Variants in ATP9B observed in about 807,000 individuals in gnomAD.
The protein encoded by ATP9B is ATPase phospholipid transporting 9B, also known as probable phospholipid-transporting ATPase IIB.
Under a neutral mutation model 146.1 loss-of-function variants are expected in ATP9B, and 110 were observed. The observed-to-expected ratio is 0.75, with a 90% CI of 0.65 to 0.88. The LOEUF is 0.88. Among genes scored for constraint, ATP9B ranks in the 40% least tolerant of loss-of-function variants. ATP9B has a pLI of 0.00. For missense variants in ATP9B, 1,499 were observed against 1,496.4 expected, an observed-to-expected ratio of 1.00 and a Z score of -0.03; for synonymous variants, 604 against 569.7, an observed-to-expected ratio of 1.06 and a Z score of -0.86.
At chr18:79,288,754 A>C (rs555599633) in intron 13 of ATP9B, among the ~76,000 whole-genome samples, 217 of 152,262 alleles carry the variant, frequency 1.4e-3, no homozygotes, top group African/African-American at 4.5e-3. Flanking sequence ...GGCTGGTACC[A>C]GTTGTTCCTT....
At chr18:79,193,927 AG>A (rs2095393810) in intron 9 of ATP9B, among the ~76,000 whole-genome samples, 2 of 152,230 alleles carry the variant, frequency 1.3e-5, no homozygotes, top group Non-Finnish European at 2.9e-5. Context: ...ATTGGCAAGC[AG>A]TTGTCATCAC....
Position 79,282,473 on chromosome 18 carries a change from G to A in ATP9B, c.1411+5277G>A, listed in dbSNP as rs557441331. Among the ~76,000 whole-genome samples the A allele has an allele frequency of 3.7e-4, 56 of 152,296 alleles. No individual in the cohort carries two copies. The South Asian group carries it at 4.1e-3, about 11-fold the overall frequency. ...CCACCACCCTGATCAGTCAGCAGCCGTCAACATTAAGACAAGACCCTCTAC... is the reference window on the plus strand; with the variant it reads ...CCACCACCCTGATCAGTCAGCAGCCATCAACATTAAGACAAGACCCTCTAC... On this transcript the variant is annotated intron_variant, in intron 13 of 29. Coordinates refer to ENST00000426216, the MANE Select transcript of ATP9B (RefSeq NM_198531.5).
At chr18:79,291,912 G>A (rs184541239) in intron 13 of ATP9B, among the ~76,000 whole-genome samples, 19 of 152,118 alleles carry the variant, frequency 1.2e-4, no homozygotes, top group Middle Eastern at 6.8e-3. Context: ...TCCATCGCCC[G>A]TGCCCCAGGC....
intron 10 of ATP9B, 122 bp downstream of exon 10, chr18:79,207,134 G>T (rs184327585): frequency 2.3e-6 from 2 of 864,116 alleles, no homozygotes; most frequent in African/African-American, 1.7e-5. Flanking sequence ...CTTGCTAAAC[G>T]CAGACTCCAG....
chr18:79,351,431 T>A (rs891636207), intron 25 of ATP9B, among the ~76,000 whole-genome samples: 3 of 152,178 alleles, frequency 2.0e-5, no homozygotes, highest in Admixed American at 2.0e-4. Context: ...TACTCTGAAT[T>A]GGGTTAGGTG....
intron 7 of ATP9B, among the ~76,000 whole-genome samples, chr18:79,168,695 C>T (rs933242477): frequency 6.6e-6 from 1 of 152,136 alleles, no homozygotes; most frequent in Non-Finnish European, 1.5e-5. Flanking sequence ...GAAGTGACTT[C>T]CCAGTAGACA....
At chr18:79,120,999 C>T (rs923509181) in intron 4 of ATP9B, among the ~76,000 whole-genome samples, 1 of 152,232 alleles carries the variant, frequency 6.6e-6, no homozygotes, top group Non-Finnish European at 1.5e-5. Context: ...TCTGTGTGGC[C>T]TTGGTAAGGT....
intron 26 of ATP9B, among the ~76,000 whole-genome samples, chr18:79,370,653 G>GT (rs2097063938): frequency 6.6e-6 from 1 of 152,166 alleles, no homozygotes; most frequent in African/African-American, 2.4e-5. Context: ...TTTTGTTGAT[G>GT]TTTTTTGTAC....
chr18:79,132,149 C>T (rs2094387032), intron 5 of ATP9B, among the ~76,000 whole-genome samples: 1 of 141,342 alleles, frequency 7.1e-6, no homozygotes, highest in Non-Finnish European at 1.6e-5. Context: ...TTGAGGAAGA[C>T]CTTCTGCTGT....
chr18:79,077,070 A>T (rs983828633), intron 1 of ATP9B, among the ~76,000 whole-genome samples: 1 of 152,174 alleles, frequency 6.6e-6, no homozygotes, highest in Non-Finnish European at 1.5e-5. Context: ...ATGTGTGTTT[A>T]AAAATCCTCA....
intron 1 of ATP9B, chr18:79,085,782 C>A (rs1246033374): frequency 4.6e-5 from 7 of 152,158 alleles, no homozygotes; most frequent in Non-Finnish European, 7.3e-5. Context: ...TGCAATCTTA[C>A]AATAGTTAAG....
At chr18:79,314,565 T>C (rs953696215) in intron 15 of ATP9B, among the ~76,000 whole-genome samples, 4 of 152,252 alleles carry the variant, frequency 2.6e-5, no homozygotes, top group African/African-American at 9.6e-5. Flanking sequence ...GTAGATGTGA[T>C]GGTGATTGTC....
At position 79,260,620 on chromosome 18, in the gene ATP9B, C is replaced by T. The variant is rs147107464; in HGVS notation, c.1268+7079C>T. Among the ~76,000 whole-genome samples, 528 of 152,302 alleles carry T rather than the reference C, an allele frequency of 3.5e-3. 18 individuals carry two copies. The highest frequency in any genetic ancestry group is 0.029 in the Admixed American group (448 of 15,300). ...TATCAGCAGAAACTACCAGCTTGAC[C>T]TAAAGGAACAGAGACAGGATGAGAT... On this transcript the variant is annotated intron_variant, in intron 12 of 29. Coordinates refer to ENST00000426216, the MANE Select transcript of ATP9B (RefSeq NM_198531.5).
chr18:79,233,973 C>T (rs2095815777), intron 11 of ATP9B, among the ~76,000 whole-genome samples: 1 of 152,296 alleles, frequency 6.6e-6, no homozygotes, highest in African/African-American at 2.4e-5. Flanking sequence ...TCATCCTCAT[C>T]GTCTTCCAAT....
intron 11 of ATP9B, among the ~76,000 whole-genome samples, chr18:79,233,099 C>A (rs1239518787): frequency 6.6e-6 from 1 of 152,078 alleles, no homozygotes; most frequent in Admixed American, 6.6e-5. Flanking sequence ...CAAGACCAGC[C>A]TGGGCAGCGT....
At chr18:79,199,886 A>G (rs549149179) in intron 9 of ATP9B, among the ~76,000 whole-genome samples, 3 of 152,328 alleles carry the variant, frequency 2.0e-5, no homozygotes, top group Non-Finnish European at 4.4e-5. Flanking sequence ...TCCACGTGTA[A>G]TAACAGGCAG....
chr18:79,245,320 G>A (rs1330137646), intron 11 of ATP9B, among the ~76,000 whole-genome samples: 1 of 152,160 alleles, frequency 6.6e-6, no homozygotes, highest in African/African-American at 2.4e-5. Flanking sequence ...TGCATGTTGA[G>A]GTTTCTGGTG....
At chr18:79,324,566 T>A (rs986792675) in intron 15 of ATP9B, among the ~76,000 whole-genome samples, 2 of 152,138 alleles carry the variant, frequency 1.3e-5, no homozygotes, top group African/African-American at 4.8e-5. Context: ...GTGTAGTTCT[T>A]CAGCCAGCGC....
chr18:79,208,385 T>TAGC (rs1425093881), intron 10 of ATP9B, among the ~76,000 whole-genome samples: 4 of 152,204 alleles, frequency 2.6e-5, no homozygotes, highest in Non-Finnish European at 5.9e-5. Flanking sequence ...GCATTCCTGC[T>TAGC]AGCAGCCTAG....
Sources: allele counts gnomAD v4.1 joint callset (sites outside exome capture counted in the v4.1 genomes callset), GRCh38; gene constraint gnomAD v4.1.1; transcripts MANE v1.5; gene names NCBI Gene and HGNC (gene_info 2026-07-23, HGNC 2026-07-21).